NFAT5: variants seen among roughly 807,000 people sequenced by gnomAD.
The protein encoded by NFAT5 is nuclear factor of activated T-cells 5.
Under a neutral mutation model 166.5 loss-of-function variants are expected in NFAT5, and 31 were observed. The observed-to-expected ratio is 0.19, with a 90% confidence interval of 0.14 to 0.25. The LOEUF is 0.25. NFAT5 is among the 10% of genes least tolerant of loss of function. The pLI is 1.00. For missense variants in NFAT5, 1,449 were observed against 1,821.8 expected, an observed-to-expected ratio of 0.80 and a Z score of 3.72; for synonymous variants, 612 against 639.7, an observed-to-expected ratio of 0.96 and a Z score of 0.65.
intron 3 of NFAT5, among the ~76,000 whole-genome samples, chr16:69,633,275 CTG>C (rs2151592828): frequency 1.3e-5 from 2 of 152,202 alleles, no homozygotes; most frequent in South Asian, 4.1e-4. Flanking sequence ...CATTTTGAAA[CTG>C]TTCACAGATT....
In NFAT5 at chr16:69,696,417, G is replaced by T. The variant is rs749756198; in HGVS notation, c.*66G>T. 1.2e-4 allele frequency: 19 copies of T among 152,514 alleles called. No individual in the cohort carries two copies. The highest frequency in any genetic ancestry group is 6.6e-4 in the Admixed American group (10 of 15,264). The allele number at this position is 152,514 out of a possible 1,614,324, so 9.4% of individuals were successfully genotyped here. A position where few individuals can be genotyped will look rare whatever the true frequency, so the allele number is the denominator to read the frequency against. ...GTCCTGAGATCTTGTGGTTCCATGA[G>T]AATTATTACTTTAAAAACAAAACAA... On this transcript the variant is annotated 3_prime_UTR_variant, in exon 15 of 15. Coordinates refer to ENST00000349945, the MANE Select transcript of NFAT5 (RefSeq NM_138713.4).
chr16:69,658,944 T>C (rs1345217035), intron 6 of NFAT5, among the ~76,000 whole-genome samples: 1 of 152,218 alleles, frequency 6.6e-6, no homozygotes, highest in African/African-American at 2.4e-5. Flanking sequence ...CCCACTGTTT[T>C]GTAATCTGCT....
At chr16:69,674,110 G>A (rs2036734745) in intron 9 of NFAT5, among the ~76,000 whole-genome samples, 1 of 151,908 alleles carries the variant, frequency 6.6e-6, no homozygotes, top group African/African-American at 2.4e-5. Context: ...GGGTGTGGTG[G>A]CATATGCCTG....
chr16:69,585,743 G>A (rs2032016112), intron 2 of NFAT5, among the ~76,000 whole-genome samples: 1 of 152,184 alleles, frequency 6.6e-6, no homozygotes, highest in Non-Finnish European at 1.5e-5. Flanking sequence ...GACAAATATT[G>A]TATGATTCCA....
At chr16:69,606,461 A>G (rs1185801032) in intron 2 of NFAT5, among the ~76,000 whole-genome samples, 1 of 152,188 alleles carries the variant, frequency 6.6e-6, no homozygotes, top group Non-Finnish European at 1.5e-5. Context: ...TGATTTTTAA[A>G]TGTTGGCAAT....
intron 3 of NFAT5, among the ~76,000 whole-genome samples, chr16:69,627,323 CATATATATATATATATATATATATATAT>C (rs10524659): frequency 0.075 from 9,661 of 128,586 alleles, 677 homozygotes; most frequent in African/African-American, 0.1. Flanking sequence ...AAAAAGGAAA[CATATATATATATATATATATATATATAT>C]ATATATATAT....
At chr16:69,654,604 G>A (rs1430044467) in intron 5 of NFAT5, among the ~76,000 whole-genome samples, 1 of 152,208 alleles carries the variant, frequency 6.6e-6, no homozygotes, top group Non-Finnish European at 1.5e-5. Flanking sequence ...GTTATGTTTT[G>A]TCTAGTTAGA....
rs2016526167 is a variant in NFAT5, at chr16:69,572,923, A to G, written c.127+4375A>G. Among the ~76,000 whole-genome samples, 6 of 152,094 alleles carry G rather than the reference A, an allele frequency of 3.9e-5. No individual in the cohort carries two copies. The South Asian group carries it at 1.2e-3, about 32-fold the overall frequency. On this transcript the variant is annotated intron_variant, in intron 2 of 14. Coordinates refer to ENST00000349945, the MANE Select transcript of NFAT5 (RefSeq NM_138713.4). ...AGTGGCATGATCTCAGCTCACTGCA[A>G]CCTCTGCCTCCTGGGTTTAAGTGAT... is the stretch of plus-strand genomic sequence containing the variant.
At chr16:69,585,449 G>A (rs191606680) in intron 2 of NFAT5, among the ~76,000 whole-genome samples, 3 of 152,208 alleles carry the variant, frequency 2.0e-5, no homozygotes, top group East Asian at 3.9e-4. Flanking sequence ...AGAATTATAT[G>A]ATCCAGCAAT....
chr16:69,649,322 G>A (rs1259867323), intron 4 of NFAT5: 3 of 967,902 alleles, frequency 3.1e-6, no homozygotes, highest in East Asian at 2.3e-4. Context: ...CAAAATGAAT[G>A]TTGAAGGTTC....
At chr16:69,662,731 G>T (rs1041435127) in intron 7 of NFAT5, among the ~76,000 whole-genome samples, 1 of 151,914 alleles carries the variant, frequency 6.6e-6, no homozygotes, top group Admixed American at 6.6e-5. Flanking sequence ...AAGTGCTGGG[G>T]TTACAGGCGT....
chr16:69,615,260 C>T (rs190321817), intron 2 of NFAT5, among the ~76,000 whole-genome samples: 17 of 152,242 alleles, frequency 1.1e-4, no homozygotes, highest in Admixed American at 2.6e-4. Flanking sequence ...AGGCTGCTCT[C>T]GAACTTGTGA....
chr16:69,642,172 G>C (rs947595094), intron 3 of NFAT5, among the ~76,000 whole-genome samples: 4 of 152,022 alleles, frequency 2.6e-5, no homozygotes, highest in African/African-American at 4.8e-5. Context: ...GCAGATTCTG[G>C]GATATTCATA....
Position 69,696,723 on chromosome 16 carries a change from GTTC to G in NFAT5, c.*376_*378del, listed in dbSNP as rs2037777543. 1 of 152,472 alleles carries G rather than the reference GTTC, an allele frequency of 6.6e-6. No homozygotes were observed. The allele number at this position is 152,472 out of a possible 1,614,324, so 9.4% of individuals were successfully genotyped here. On this transcript the variant is annotated 3_prime_UTR_variant, in exon 15 of 15. Coordinates refer to ENST00000349945, the MANE Select transcript of NFAT5 (RefSeq NM_138713.4). ...AAAATAATATATCATGTTTACTTTT[GTTC>G]TTCATTATTTTCTTTCCTGCATTGT...
Position 69,692,524 on chromosome 16 carries a change from A to C in NFAT5, c.2699A>C (p.Gln900Pro). The change falls in exon 13 of 15, where the codon CAG becomes CCG. Residue 900 changes from glutamine to proline, a missense_variant. By Grantham distance (76) the Gln-to-Pro change is moderately conservative. Around this residue, in one of 7 missense-constraint regions of NFAT5, gnomAD observed 891 missense variants for 993.0 expected, o/e 0.90. Transcript: ENST00000349945. ...AACACGTTATCTAATCAACAGCAGCAGCAGCAGCAGCAACAGCAAGTGATG... is the reference window on the plus strand; with the variant it reads ...AACACGTTATCTAATCAACAGCAGCCGCAGCAGCAGCAACAGCAAGTGATG... ...SENTLSNQQQQQQQQQQVMES... is the reference protein window; with the variant it reads ...SENTLSNQQQPQQQQQQVMES... 6.2e-7 allele frequency: 1 copy of C among 1,614,164 alleles called. No homozygotes were observed. The highest frequency in any genetic ancestry group is 8.5e-7 in the Non-Finnish European group (1 of 1,180,022).
chr16:69,658,096 T>A (rs1308084541), intron 6 of NFAT5, among the ~76,000 whole-genome samples: 16 of 143,938 alleles, frequency 1.1e-4, no homozygotes, highest in East Asian at 2.1e-4. Context: ...AAAAAAAAAA[T>A]AAATAAAGTA....
At chr16:69,682,109 T>TA (rs1388257225) in intron 10 of NFAT5, among the ~76,000 whole-genome samples, 1 of 151,930 alleles carries the variant, frequency 6.6e-6, no homozygotes, top group East Asian at 1.9e-4. Flanking sequence ...CTCAGGCACT[T>TA]AGATACTTTT....
At position 69,566,130 on chromosome 16, in the gene NFAT5, G is replaced by T; in HGVS notation, c.-172G>T. On this transcript the variant is annotated 5_prime_UTR_variant, in exon 1 of 15. Transcript: ENST00000349945. The surrounding 1 kb of genome is among the most constrained non-coding windows in gnomAD (Gnocchi z 5.7). ...GGAGTTCCCCCTCCACCTCGCCATC[G>T]TTTCCTCGGTCCTCGGCCCAGTGGA... 1.7e-6 allele frequency: 1 copy of T among 573,712 alleles called. No homozygotes were observed. The highest frequency in any genetic ancestry group is 2.1e-5 in the South Asian group (1 of 47,044). 35.5% of individuals were successfully genotyped at this position (573,712 alleles called of 1,614,324 possible).
intron 3 of NFAT5, among the ~76,000 whole-genome samples, chr16:69,627,020 T>C: frequency 6.6e-6 from 1 of 151,950 alleles, no homozygotes; most frequent in East Asian, 1.9e-4. Context: ...TTTCAATTTA[T>C]TGAAAGTAAT....
Sources: allele counts gnomAD v4.1 joint callset (sites outside exome capture counted in the v4.1 genomes callset), GRCh38; gene constraint gnomAD v4.1.1; regional missense constraint gnomAD v4.1.1; non-coding constraint Gnocchi (gnomAD v3.1); transcripts MANE v1.5; gene names NCBI Gene and HGNC (gene_info 2026-07-23, HGNC 2026-07-21).